Variants in GEMIN5 observed in about 807,000 individuals in gnomAD.
GEMIN5 encodes the protein gem-associated protein 5.
Under a neutral mutation model 176.9 loss-of-function variants are expected in GEMIN5, and 124 were observed. The ratio of observed to expected loss-of-function variants is 0.70; its 90% CI spans 0.61 to 0.81. GEMIN5 has a LOEUF of 0.81. Ranked by LOEUF, GEMIN5 falls within the 40% of genes least tolerant of loss-of-function variation. The probability of loss-of-function intolerance (pLI) is 0.00; values close to 1 mark genes in which losing one functional copy is unlikely to be tolerated. For missense variants in GEMIN5, 1,843 were observed against 1,814.6 expected (o/e 1.02, Z -0.28); for synonymous variants, 673 against 665.2 (o/e 1.01, Z -0.18).
Position 154,917,927 on chromosome 5 carries a change from A to G in GEMIN5, c.1673+4T>C. ...TTTTTTATCTTAAAGAAGCAAATACATACCCATCTTCATTGCCAAGAGCCA... is the reference window on the plus strand; with the variant it reads ...TTTTTTATCTTAAAGAAGCAAATACGTACCCATCTTCATTGCCAAGAGCCA... On this transcript the variant is annotated splice_donor_region_variant and intron_variant, in intron 12 of 27. Transcript: ENST00000285873. 6.3e-7 allele frequency: 1 copy of G among 1,588,944 alleles called. No homozygotes were observed. Among genetic ancestry groups the G allele is most frequent in the Non-Finnish European group, 8.6e-7 (1 of 1,157,224 alleles).
chr5:154,920,316 T>C (rs1161644645), intron 10 of GEMIN5, among the ~76,000 whole-genome samples: 1 of 152,184 alleles, frequency 6.6e-6, no homozygotes, highest in Non-Finnish European at 1.5e-5. Flanking sequence ...TAATTCTAGG[T>C]TAATTTATGT....
chr5:154,917,953 T>C lies in GEMIN5; in HGVS notation c.1651A>G (p.Met551Val). The C allele has an allele frequency of 1.9e-6, 3 of 1,612,318 alleles. No individual in the cohort carries two copies. The Admixed American group carries it at 5.0e-5, about 27-fold the overall frequency. ...EISWKADGKI[M>V]ALGNEDGSIE... is the part of the protein sequence containing the mutation. ...TACCCATCTTCATTGCCAAGAGCCA[T>C]GATTTTGCCATCTGCTTTCCAACTT... The change falls in exon 12 of 28, where the codon ATG becomes GTG. Residue 551 changes from methionine to valine, a missense_variant. Coordinates refer to ENST00000285873, the MANE Select transcript of GEMIN5 (RefSeq NM_015465.5).
Position 154,914,792 on chromosome 5 carries a change from G to A in GEMIN5, c.1856-1754C>T, listed in dbSNP as rs140327693. 1.5e-3 allele frequency among the ~76,000 whole-genome samples: 230 copies of A among 152,136 alleles called. 1 individual carries two copies. Among genetic ancestry groups the A allele is most frequent in the African/African-American group, 5.4e-3 (224 of 41,512 alleles). The stretch of plus-strand genomic sequence containing the variant: ...AAATAATAGTTGTGTATATTTTAAG[G>A]GAAAGATTAAACTATTATATATTAA... On this transcript the variant is annotated intron_variant, in intron 13 of 27. Transcript: ENST00000285873.
intron 3 of GEMIN5, among the ~76,000 whole-genome samples, chr5:154,933,875 C>CT (rs1265467615): frequency 6.6e-6 from 1 of 152,148 alleles, no homozygotes; most frequent in African/African-American, 2.4e-5. Context: ...TTCATCCTCT[C>CT]TATCAACCCT....
intron 9 of GEMIN5, 58 bp downstream of exon 9, chr5:154,924,411 G>A: frequency 1.0e-6 from 1 of 978,746 alleles, no homozygotes; most frequent in Non-Finnish European, 1.6e-6. Context: ...CTAGAGCAGG[G>A]GTGGCCAACC....
chr5:154,889,778 G>A (rs984752178), intron 26 of GEMIN5, among the ~76,000 whole-genome samples: 1 of 152,122 alleles, frequency 6.6e-6, no homozygotes, highest in Non-Finnish European at 1.5e-5. Flanking sequence ...TTTGTGACTG[G>A]CTTATTTCAC....
rs539516729 is a variant in GEMIN5 at position 154,913,235 on chromosome 5, G to A, written c.1856-197C>T. On this transcript the variant is annotated intron_variant, in intron 13 of 27. Coordinates refer to ENST00000285873, the MANE Select transcript of GEMIN5 (RefSeq NM_015465.5). The stretch of plus-strand genomic sequence containing the variant: ...TGGCGCAATGCAATGGCGCAATCTC[G>A]GCTCACTGCAACCTCCGCCTCCTGG... Among the ~76,000 whole-genome samples the A allele has an allele frequency of 1.4e-4, 22 of 151,984 alleles. 1 individual carries two copies. The East Asian group carries it at 4.1e-3, about 28-fold the overall frequency.
intron 13 of GEMIN5, among the ~76,000 whole-genome samples, chr5:154,915,600 C>T (rs1478274711): frequency 6.6e-6 from 1 of 152,150 alleles, no homozygotes; most frequent in African/African-American, 2.4e-5. Flanking sequence ...AATCTAGGCC[C>T]TATCATGTAT....
intron 8 of GEMIN5, 116 bp from the exon 9 acceptor site, chr5:154,924,670 A>G (rs1253779255): frequency 2.8e-6 from 2 of 709,380 alleles, no homozygotes; most frequent in Non-Finnish European, 4.9e-6. Context: ...TGATTTCTTC[A>G]TTATTTAAAG....
At position 154,891,539 on chromosome 5, in the gene GEMIN5, T is replaced by C; in HGVS notation, c.3964A>G (p.Ser1322Gly). Residue 1322 changes from serine to glycine, a missense_variant, in exon 26 of 28, where the codon AGC becomes GGC. By Grantham distance (56) the Ser-to-Gly change is moderately conservative. Coordinates refer to ENST00000285873, the MANE Select transcript of GEMIN5 (RefSeq NM_015465.5). ...VEPSQQLDTASTEETDPETSQ... is the reference protein window; with the variant it reads ...VEPSQQLDTAGTEETDPETSQ... ...GTTTCAGGGTCCGTTTCTTCAGTGC[T>C]GGCAGTGTCTAACTGCTGGCTTGGC... 1 of 1,614,206 alleles carries C rather than the reference T, an allele frequency of 6.2e-7. No homozygotes were observed. The highest frequency in any genetic ancestry group is 8.5e-7 in the Non-Finnish European group (1 of 1,180,020).
chr5:154,925,805 AAG>A, intron 8 of GEMIN5, 55 bp downstream of exon 8: 1 of 977,362 alleles, frequency 1.0e-6, no homozygotes, highest in Non-Finnish European at 1.6e-6. Flanking sequence ...ACAGGCATAA[AAG>A]AGAATTATTT....
chr5:154,905,121 G>A (rs1221544756), intron 17 of GEMIN5, among the ~76,000 whole-genome samples: 1 of 152,176 alleles, frequency 6.6e-6, no homozygotes, highest in Non-Finnish European at 1.5e-5. Context: ...TTGAGCCCGG[G>A]AAGTGGAGTT....
chr5:154,899,993 T>C (rs1763432225), intron 21 of GEMIN5, among the ~76,000 whole-genome samples: 1 of 152,004 alleles, frequency 6.6e-6, no homozygotes, highest in African/African-American at 2.4e-5. Flanking sequence ...TTGGCAGATG[T>C]TTTTCTCAAA....
Position 154,926,041 on chromosome 5 carries a change from T to C in GEMIN5, c.1114A>G (p.Ser372Gly). Residue 372 changes from serine to glycine, a missense_variant, in exon 8 of 28, where the codon AGC becomes GGC. By Grantham distance (56) the Ser-to-Gly change is moderately conservative (BLOSUM62 0). Transcript: ENST00000285873. ...KCWDIATLEC[S>G]WTLPSLGGFA... ...CCACCAAGGGAAGGAAGGGTCCAGCTGCACTCCAAGGTGGCTATGTCCCAA... is the reference window on the plus strand; with the variant it reads ...CCACCAAGGGAAGGAAGGGTCCAGCCGCACTCCAAGGTGGCTATGTCCCAA... 3 of 1,613,408 alleles carry C rather than the reference T, an allele frequency of 1.9e-6. No individual in the cohort carries two copies. Among genetic ancestry groups the C allele is most frequent in the Non-Finnish European group, 1.7e-6 (2 of 1,179,442 alleles).
intron 2 of GEMIN5, 104 bp downstream of exon 2, chr5:154,936,921 T>C: frequency 1.2e-6 from 1 of 829,674 alleles, no homozygotes; most frequent in Non-Finnish European, 1.9e-6. Flanking sequence ...TGAACACAAT[T>C]ACAAGTTACT....
At chr5:154,913,491 G>C (rs923911233) in intron 13 of GEMIN5, among the ~76,000 whole-genome samples, 1 of 152,170 alleles carries the variant, frequency 6.6e-6, no homozygotes, top group South Asian at 2.1e-4. Context: ...TACAAAACGA[G>C]TGCCCTATCT....
intron 15 of GEMIN5, among the ~76,000 whole-genome samples, chr5:154,910,800 G>A (rs1463254351): frequency 2.4e-4 from 37 of 152,162 alleles, no homozygotes; most frequent in Admixed American, 1.9e-3. Flanking sequence ...CTGGCTTCAC[G>A]CCATTCTCCT....
Position 154,889,505 on chromosome 5 carries a change from T to C in GEMIN5, c.4263-88A>G, listed in dbSNP as rs532642944. 2.5e-4 allele frequency: 172 copies of C among 698,800 alleles called. 1 individual carries two copies. In the African/African-American group the frequency reaches 2.7e-3, roughly 11 times the overall value. 43.3% of individuals were successfully genotyped at this position (698,800 alleles called of 1,614,324 possible). ...TGTTATTTTACTGTGGTAAAATGTA[T>C]ATAACATAAAGCTTACCATCTTAGC... On this transcript the variant is annotated intron_variant, in intron 26 of 27. Transcript: ENST00000285873.
chr5:154,917,904 T>A (rs367723986), intron 12 of GEMIN5, 27 bp downstream of exon 12: 47 of 1,511,732 alleles, frequency 3.1e-5, no homozygotes, highest in Non-Finnish European at 4.2e-5. Flanking sequence ...ATTGCAAATT[T>A]TTTATCTTAA....
Sources: gnomAD v4.1 joint callset for allele counts (sites outside exome capture counted in the v4.1 genomes callset) on GRCh38, gnomAD v4.1.1 for gene constraint, MANE v1.5 for transcripts, NCBI Gene and HGNC (gene_info 2026-07-23, HGNC 2026-07-21) for gene names.